The following TFDP1 variants were observed in gnomAD, a reference collection of about 807,000 sequenced individuals.
TFDP1 encodes DRTF1-polypeptide 1.
TFDP1 carries 6 observed loss-of-function variants against 48.0 expected under a neutral mutation model. The observed-to-expected ratio is 0.13, with a 90% CI of 0.07 to 0.25. The LOEUF (loss-of-function observed/expected upper bound fraction) is 0.25. TFDP1 is among the 10% of genes least tolerant of loss of function. The pLI is 1.00. For missense variants in TFDP1, 335 were observed against 543.0 expected (o/e 0.62, Z 3.81); for synonymous variants, 201 against 211.6 (o/e 0.95, Z 0.44).
chr13:113,601,090 C>T lies in TFDP1; in HGVS notation c.13-9906C>T, dbSNP rs541067799. Among the ~76,000 whole-genome samples, 6 of 152,344 alleles carry T rather than the reference C, an allele frequency of 3.9e-5. No homozygotes were observed. In the South Asian group the frequency reaches 1.2e-3, roughly 32 times the overall value. ...CCAGATGCGAGGTTCTTTTCTGCTG[C>T]ATCCCTCCTCTGTGGTGGCACCATC... is the stretch of plus-strand genomic sequence containing the variant. On this transcript the variant is annotated intron_variant, in intron 2 of 11. Coordinates refer to ENST00000375370, the MANE Select transcript of TFDP1 (RefSeq NM_007111.5).
At chr13:113,624,598 G>A (rs2049078886) in intron 4 of TFDP1, among the ~76,000 whole-genome samples, 1 of 146,920 alleles carries the variant, frequency 6.8e-6, no homozygotes, top group South Asian at 2.2e-4. Flanking sequence ...GTCCTCAGGT[G>A]TGTCTCAGGG....
chr13:113,604,709 T>G (rs1389634597), intron 2 of TFDP1, among the ~76,000 whole-genome samples: 1 of 152,236 alleles, frequency 6.6e-6, no homozygotes, highest in African/African-American at 2.4e-5. Flanking sequence ...GGGACCTGCC[T>G]GGCAGGACCC....
rs1468699939 is a variant in TFDP1 at position 113,623,250 on chromosome 13, C to G, written c.150C>G (p.Thr50=). The G allele has an allele frequency of 1.2e-6, 2 of 1,613,300 alleles. No individual in the cohort carries two copies. The highest frequency in any genetic ancestry group is 8.5e-7 in the Non-Finnish European group (1 of 1,179,722). ...TCGGGAAGCAGCTCTTGCCAAAAAC[C>G]TTTGGACAGTCCAATGTCAACATTG... ...NPLGKQLLPK[T]FGQSNVNIAQ... is the part of the protein sequence containing the mutation. The change falls in exon 4 of 12, where the codon ACC becomes ACG. Residue 50 remains threonine (T), a synonymous_variant. Transcript: ENST00000375370. The surrounding 1 kb of genome is among the most constrained non-coding windows in gnomAD (Gnocchi z 5.2).
intron 2 of TFDP1, among the ~76,000 whole-genome samples, chr13:113,589,567 C>T (rs1453959869): frequency 6.6e-6 from 1 of 152,238 alleles, no homozygotes; most frequent in Non-Finnish European, 1.5e-5. Flanking sequence ...ACATCTCAGG[C>T]CCTCCGCCTC....
intron 11 of TFDP1, among the ~76,000 whole-genome samples, chr13:113,638,293 A>G (rs1594546274): frequency 1.6e-5 from 2 of 126,260 alleles, no homozygotes; most frequent in South Asian, 5.0e-4. Context: ...TCTGGGCGCA[A>G]GTAGTTTTCA....
intron 3 of TFDP1, among the ~76,000 whole-genome samples, chr13:113,617,787 A>G (rs1018663042): frequency 6.6e-6 from 1 of 152,238 alleles, no homozygotes; most frequent in Non-Finnish European, 1.5e-5. Flanking sequence ...GGCTCTGACA[A>G]CGTAAAGATG....
intron 11 of TFDP1, among the ~76,000 whole-genome samples, chr13:113,639,531 C>G (rs573301090): frequency 6.6e-6 from 1 of 152,218 alleles, no homozygotes; most frequent in African/African-American, 2.4e-5. Flanking sequence ...CACATTAACA[C>G]ATTTTTATTG....
chr13:113,593,249 G>A (rs1594406900), intron 2 of TFDP1, among the ~76,000 whole-genome samples: 1 of 139,108 alleles, frequency 7.2e-6, no homozygotes, highest in South Asian at 2.3e-4. Context: ...CGCGTCCTCA[G>A]CTATACACAG....
At position 113,607,392 on chromosome 13, in the gene TFDP1, C is replaced by A. The variant is rs1240824494; in HGVS notation, c.13-3604C>A. Among the ~76,000 whole-genome samples, 1 of 152,248 alleles carries A rather than the reference C, an allele frequency of 6.6e-6. No homozygotes were observed. The highest frequency in any genetic ancestry group is 1.5e-5 in the Non-Finnish European group (1 of 68,050). ...TTTGAAGTGCTGTCTGCCATTTCCA[C>A]TTTCAGAAGCATGAGTTGCATAAGG... On this transcript the variant is annotated intron_variant, in intron 2 of 11. Coordinates refer to ENST00000375370, the MANE Select transcript of TFDP1 (RefSeq NM_007111.5). The surrounding 1 kb of genome is among the most constrained non-coding windows in gnomAD (Gnocchi z 5.2).
rs142697119 is a variant in TFDP1 at position 113,637,843 on chromosome 13, C to T, written c.1032C>T (p.Gly344=). 2.5e-6 allele frequency: 4 copies of T among 1,614,206 alleles called. No individual in the cohort carries two copies. Among genetic ancestry groups the T allele is most frequent in the Middle Eastern group, 1.7e-4 (1 of 6,052 alleles). Residue 344 remains glycine, a synonymous_variant, in exon 11 of 12, where the codon GGC becomes GGT. Transcript: ENST00000375370. ...VTEMAQGTVG[G]VFITTAGSTS... Reference sequence around the variant, plus strand: ...AAATGGCTCAGGGAACTGTTGGAGGCGTGTTCATCACGACGGCAGGTTCCA... The same window carrying T: ...AAATGGCTCAGGGAACTGTTGGAGGTGTGTTCATCACGACGGCAGGTTCCA...
intron 2 of TFDP1, among the ~76,000 whole-genome samples, chr13:113,594,494 A>AGCCCTGTCCAGGTGACAGGTG (rs1566636581): frequency 0.073 from 4,446 of 61,196 alleles, 263 homozygotes; most frequent in African/African-American, 0.16. Context: ...GGTGACAGGT[A>AGCCCTGTCCAGGTGACAGGTG]TGGTGTGCGC....
intron 2 of TFDP1, among the ~76,000 whole-genome samples, chr13:113,606,107 G>A (rs1395171961): frequency 2.7e-5 from 4 of 145,790 alleles, no homozygotes; most frequent in African/African-American, 1.0e-4. Flanking sequence ...GTGGGAAGGC[G>A]GCGTGGTGGT....
chr13:113,621,910 G>A lies in TFDP1; in HGVS notation c.80-1270G>A, dbSNP rs140361510. 5.8e-3 allele frequency among the ~76,000 whole-genome samples: 876 copies of A among 152,302 alleles called. 7 individuals are homozygous for A. Among genetic ancestry groups the A allele is most frequent in the African/African-American group, 0.02 (846 of 41,560 alleles). On this transcript the variant is annotated intron_variant, in intron 3 of 11. Coordinates refer to ENST00000375370, the MANE Select transcript of TFDP1 (RefSeq NM_007111.5). ...TGTGATGCTGTGCTTCAGTGGTCAC[G>A]CTCCTAGTCCACCTTCATGTTCCAT...
chr13:113,633,966 A>G lies in TFDP1; in HGVS notation c.551A>G (p.Lys184Arg). Residue 184 changes from lysine (K) to arginine (R), a missense_variant, in exon 7 of 12, where the codon AAG (lysine) becomes AGG (arginine). By Grantham distance (26) the Lys-to-Arg change is conservative (BLOSUM62 2). Transcript: ENST00000375370. The surrounding 1 kb of genome is among the most constrained non-coding windows in gnomAD (Gnocchi z 4.5). ...CTAATGGCCATGAACATCATCTCCA[A>G]GGAGAAGAAGGAGATCAAGTGGATT... ...NVLMAMNIISKEKKEIKWIGL... is the reference protein window; with the variant it reads ...NVLMAMNIISREKKEIKWIGL... 1.2e-6 allele frequency: 2 copies of G among 1,614,174 alleles called. No individual in the cohort carries two copies. Among genetic ancestry groups the G allele is most frequent in the Non-Finnish European group, 1.7e-6 (2 of 1,179,994 alleles).
chr13:113,635,453 G>A (rs879729250), intron 8 of TFDP1, among the ~76,000 whole-genome samples: 40 of 152,198 alleles, frequency 2.6e-4, no homozygotes, highest in Non-Finnish European at 5.3e-4. Context: ...TAATAGCAAA[G>A]AAGGTCTCTC....
At chr13:113,588,795 A>G (rs2048068027) in intron 2 of TFDP1, among the ~76,000 whole-genome samples, 2 of 148,090 alleles carry the variant, frequency 1.4e-5, no homozygotes, top group Admixed American at 6.7e-5. Context: ...TGAGTGTGGT[A>G]GACTCGGGGA....
At chr13:113,611,089 C>T (rs766786785) in intron 3 of TFDP1, 27 bp downstream of exon 3, 1 of 1,593,758 alleles carries the variant, frequency 6.3e-7, no homozygotes, top group Non-Finnish European at 8.6e-7. Context: ...TGGACACACT[C>T]TTGTGTTGAT....
intron 2 of TFDP1, among the ~76,000 whole-genome samples, chr13:113,608,964 C>T (rs954311421): frequency 6.6e-6 from 1 of 152,266 alleles, no homozygotes; most frequent in Non-Finnish European, 1.5e-5. Flanking sequence ...TCATGGTGAC[C>T]AGGACATCTA....
rs114183134 is a variant in TFDP1, at chr13:113,603,185, G to A, written c.13-7811G>A. ...GGGTGAGACAGCGTGGGGTCCAGGT[G>A]TATGCCCCACCTGGCTGCTGTGTGT... On this transcript the variant is annotated intron_variant, in intron 2 of 11. Transcript: ENST00000375370. 2.7e-3 allele frequency among the ~76,000 whole-genome samples: 417 copies of A among 152,356 alleles called. 1 individual carries two copies. The highest frequency in any genetic ancestry group is 9.6e-3 in the African/African-American group (399 of 41,586).
Sources: allele counts gnomAD v4.1 joint callset (sites outside exome capture counted in the v4.1 genomes callset), GRCh38; gene constraint gnomAD v4.1.1; non-coding constraint Gnocchi (gnomAD v3.1); transcripts MANE v1.5; gene names NCBI Gene and HGNC (gene_info 2026-07-23, HGNC 2026-07-21).